The following ZNF124 variants were observed in gnomAD, a reference collection of about 807,000 sequenced individuals.
The protein encoded by ZNF124 is zinc finger protein 124.
In ZNF124, 25 loss-of-function variants were observed where a neutral mutation model predicts 26.6. The observed-to-expected ratio is 0.94, with a 90% confidence interval of 0.68 to 1.31. The LOEUF is 1.31. Ranked by LOEUF, ZNF124 falls within the 40% of genes most tolerant of loss-of-function variation. The probability of loss-of-function intolerance (pLI) is 0.00; values close to 1 mark genes in which losing one functional copy is unlikely to be tolerated. For missense variants in ZNF124, 444 were observed against 422.2 expected (o/e 1.05, Z -0.45); for synonymous variants, 129 against 133.3 (o/e 0.97, Z 0.22).
chr1:247,128,366 CTGTCT>C (rs1672263290), intron 3 of ZNF124, among the ~76,000 whole-genome samples: 1 of 149,798 alleles, frequency 6.7e-6, no homozygotes, highest in Non-Finnish European at 1.5e-5. Flanking sequence ...AGCCACCCTC[CTGTCT>C]TTTCTGGGTC....
chr1:247,138,697 AC>A (rs1410241537), intron 3 of ZNF124: 1 of 398,542 alleles, frequency 2.5e-6, no homozygotes. Flanking sequence ...AAAGGTACAT[AC>A]ATAGACCCAA....
chr1:247,166,329 C>T (rs1673777391), intron 1 of ZNF124, among the ~76,000 whole-genome samples: 1 of 152,206 alleles, frequency 6.6e-6, no homozygotes, highest in Admixed American at 6.5e-5. Context: ...TAAAACAGAA[C>T]TCCCATTCAA....
At chr1:247,130,968 C>T (rs1007913403) in intron 3 of ZNF124, among the ~76,000 whole-genome samples, 15 of 152,076 alleles carry the variant, frequency 9.9e-5, no homozygotes, top group African/African-American at 3.1e-4. Flanking sequence ...CCCAGCTACT[C>T]GGGAGGCTGA....
chr1:247,126,446 G>A (rs1322212741), intron 3 of ZNF124, among the ~76,000 whole-genome samples: 1 of 20,940 alleles, frequency 4.8e-5, no homozygotes, highest in Admixed American at 4.2e-4. Flanking sequence ...TCTCGTGCCC[G>A]CACGTGCGTG....
chr1:247,155,678 G>A lies in ZNF124; in HGVS notation c.*888C>T, dbSNP rs146064524. Among the ~76,000 whole-genome samples, 4,275 of 151,902 alleles carry A rather than the reference G, an allele frequency of 0.028. 126 individuals are homozygous for A. The highest frequency in any genetic ancestry group is 0.071 in the African/African-American group (2,962 of 41,462). ...AGATTGAGACCATCCTGGCTAACACGGTGAAACCCCATCTCTACTAAAAAT... is the reference window on the plus strand; with the variant it reads ...AGATTGAGACCATCCTGGCTAACACAGTGAAACCCCATCTCTACTAAAAAT... On this transcript the variant is annotated 3_prime_UTR_variant, in exon 4 of 4. Transcript: ENST00000543802.
intron 3 of ZNF124, among the ~76,000 whole-genome samples, chr1:247,136,468 A>G (rs1320078022): frequency 1.3e-5 from 2 of 152,202 alleles, no homozygotes; most frequent in Non-Finnish European, 2.9e-5. Flanking sequence ...AAGGAGAACT[A>G]CAAACCACTG....
chr1:247,157,064 G>A lies in ZNF124; in HGVS notation c.558C>T (p.Ala186=), dbSNP rs149160320. 24 of 1,614,008 alleles carry A rather than the reference G, an allele frequency of 1.5e-5. No individual in the cohort carries two copies. The African/African-American group carries it at 3.1e-4, about 21-fold the overall frequency. The change falls in exon 4 of 4, where the codon GCC becomes GCT. Residue 186 remains alanine (A), a synonymous_variant. Transcript: ENST00000543802. ...CACGAAGGTGACTGGAACGACTGAA[G>A]GCTTTCCCACATTGCTTACATTCAT... The part of the protein sequence containing the change: ...KRYECKQCGK[A]FSRSSHLRDH...
intron 3 of ZNF124, among the ~76,000 whole-genome samples, chr1:247,146,693 G>C (rs1672788769): frequency 6.6e-6 from 1 of 152,174 alleles, no homozygotes; most frequent in Non-Finnish European, 1.5e-5. Context: ...GCAGAACTCT[G>C]GGTTTTTTTC....
chr1:247,140,542 T>C (rs190816418), intron 3 of ZNF124, among the ~76,000 whole-genome samples: 59 of 152,352 alleles, frequency 3.9e-4, no homozygotes, highest in African/African-American at 1.3e-3. Context: ...TACAACACTC[T>C]GGCCATTTGA....
chr1:247,128,408 C>A (rs1006592863), intron 3 of ZNF124, among the ~76,000 whole-genome samples: 2 of 148,780 alleles, frequency 1.3e-5, no homozygotes, highest in African/African-American at 5.0e-5. Context: ...TTGAGGATGA[C>A]CTAATGTGCC....
At chr1:247,150,762 ACACT>A (rs1327678921), downstream of ZNF124, among the ~76,000 whole-genome samples, 3 of 151,370 alleles carry the variant, frequency 2.0e-5, no homozygotes, top group South Asian at 2.1e-4. Context: ...AGCCACAAAA[ACACT>A]CAATTATGAA....
At chr1:247,133,045 GAGA>G (rs1487051675) in intron 3 of ZNF124, among the ~76,000 whole-genome samples, 1 of 152,120 alleles carries the variant, frequency 6.6e-6, no homozygotes, top group Non-Finnish European at 1.5e-5. Context: ...AACCAGTTTA[GAGA>G]AGAACACAAA....
chr1:247,137,425 T>C (rs2103103425), intron 3 of ZNF124, among the ~76,000 whole-genome samples: 2 of 130,342 alleles, frequency 1.5e-5, no homozygotes, highest in East Asian at 4.4e-4. Flanking sequence ...GGGTGGATCA[T>C]GAGGTTAGGC....
chr1:247,127,753 C>G (rs1484574053), intron 3 of ZNF124, among the ~76,000 whole-genome samples: 2 of 149,292 alleles, frequency 1.3e-5, no homozygotes, highest in African/African-American at 4.9e-5. Context: ...ACGCGGACCC[C>G]CTTAGAGCTG....
chr1:247,165,021 C>T (rs1287116693), intron 1 of ZNF124, among the ~76,000 whole-genome samples: 1 of 151,784 alleles, frequency 6.6e-6, no homozygotes, highest in Non-Finnish European at 1.5e-5. Flanking sequence ...GGCTGGAGTG[C>T]AGTGGCACAA....
rs1673940245 is a variant in ZNF124 at position 247,168,993 on chromosome 1, T to C, written c.30+2855A>G. On this transcript the variant is annotated intron_variant, in intron 1 of 3. Transcript: ENST00000543802. The surrounding 1 kb of genome is among the most constrained non-coding windows in gnomAD (Gnocchi z 4.0). ...ACCTGCTACCCCAAATGTATTGATA[T>C]AACATTAAAAATTTTTTTAATTAAA... Among the ~76,000 whole-genome samples, 3 of 152,240 alleles carry C rather than the reference T, an allele frequency of 2.0e-5. No individual in the cohort carries two copies. The highest frequency in any genetic ancestry group is 4.1e-4 in the South Asian group (2 of 4,824).
chr1:247,151,478 C>CAAAAA (rs565076160), downstream of ZNF124, among the ~76,000 whole-genome samples: 3,665 of 73,512 alleles, frequency 0.05, 99 homozygotes, highest in Admixed American at 0.14. Flanking sequence ...GACTCCGTCT[C>CAAAAA]AAAAAAAAAA....
chr1:247,153,260 G>A (rs1672999142), downstream of ZNF124, among the ~76,000 whole-genome samples: 1 of 152,034 alleles, frequency 6.6e-6, no homozygotes, highest in South Asian at 2.1e-4. Flanking sequence ...ACCAGTTAAA[G>A]TGTCCCTGCA....
chr1:247,150,286 T>C (rs115813519), downstream of ZNF124, among the ~76,000 whole-genome samples: 3,535 of 152,234 alleles, frequency 0.023, 67 homozygotes, highest in Middle Eastern at 0.051. Flanking sequence ...AACTTATCCA[T>C]TGAGCAAAAA....
Sources: gnomAD v4.1 joint callset for allele counts (sites outside exome capture counted in the v4.1 genomes callset) on GRCh38, gnomAD v4.1.1 for gene constraint, Gnocchi (gnomAD v3.1) non-coding constraint, MANE v1.5 for transcripts, NCBI Gene and HGNC (gene_info 2026-07-23, HGNC 2026-07-21) for gene names.